NFATC2: variants seen among roughly 807,000 people sequenced by gnomAD.
NFATC2 encodes nuclear factor of activated T cells 2, also known as nuclear factor of activated T-cells, cytoplasmic 2.
In NFATC2, 22 loss-of-function variants were observed where a neutral mutation model predicts 87.3. That is an observed-to-expected ratio of 0.25 (90% CI 0.18 to 0.36). The LOEUF (loss-of-function observed/expected upper bound fraction) is 0.36. Ranked by LOEUF, NFATC2 falls within the 10% of genes least tolerant of loss-of-function variation. The pLI is 1.00. For missense variants in NFATC2, 1,149 were observed against 1,259.1 expected (o/e 0.91, Z 1.32); for synonymous variants, 565 against 542.2 (o/e 1.04, Z -0.58).
At chr20:51,506,896 C>T (rs1039933271) in intron 3 of NFATC2, among the ~76,000 whole-genome samples, 5 of 152,182 alleles carry the variant, frequency 3.3e-5, no homozygotes, top group East Asian at 1.9e-4. Flanking sequence ...CCCTCAGTGG[C>T]GAGGGCGGAG....
chr20:51,466,115 G>C (rs228850), intron 5 of NFATC2, among the ~76,000 whole-genome samples: 131,724 of 151,994 alleles, frequency 0.87, 57,323 homozygotes, highest in East Asian at 0.96. Context: ...TGCAGTGGTG[G>C]GATCTCGGCT....
intron 3 of NFATC2, among the ~76,000 whole-genome samples, chr20:51,508,359 A>G (rs2076218580): frequency 1.3e-5 from 2 of 152,138 alleles, no homozygotes; most frequent in Non-Finnish European, 2.9e-5. Context: ...ATCGTTTCAC[A>G]AGTCCATCCT....
intron 6 of NFATC2, among the ~76,000 whole-genome samples, chr20:51,442,160 G>A (rs1472658142): frequency 1.3e-5 from 2 of 152,112 alleles, no homozygotes; most frequent in Non-Finnish European, 2.9e-5. Context: ...TGCTGGGCAC[G>A]GTGGCTCACG....
chr20:51,478,653 TAAA>T (rs567046975), intron 3 of NFATC2, among the ~76,000 whole-genome samples: 49 of 152,268 alleles, frequency 3.2e-4, no homozygotes, highest in African/African-American at 1.2e-3. Flanking sequence ...GATGATCTTT[TAAA>T]AATGCAAATC....
chr20:51,454,621 G>C lies in NFATC2; in HGVS notation c.1776C>G (p.Gly592=). Residue 592 remains glycine (G), a synonymous_variant, in exon 6 of 11, where the codon GGC becomes GGG. Transcript: ENST00000371564. The part of the protein sequence containing the change: ...RQDTDSCLVY[G]GQQMILTGQN... ...GCCCCGTGAGGATCATTTGCTGGCCGCCATAGACCAGGCAGCTGTCTGTGT... is the reference window on the plus strand; with the variant it reads ...GCCCCGTGAGGATCATTTGCTGGCCCCCATAGACCAGGCAGCTGTCTGTGT... 6.2e-7 allele frequency: 1 copy of C among 1,614,108 alleles called. No homozygotes were observed. The highest frequency in any genetic ancestry group is 1.1e-5 in the South Asian group (1 of 91,084).
intron 9 of NFATC2, 51 bp from the exon 10 acceptor site, chr20:51,398,781 T>TTGATCTCTC (rs1195817892): frequency 1.6e-6 from 2 of 1,252,108 alleles, no homozygotes; most frequent in South Asian, 2.4e-5. Context: ...AAAATCACCT[T>TTGATCTCTC]TGATCTCTCT....
At position 51,389,729 on chromosome 20, in the gene NFATC2, G is replaced by C. The variant is rs1158446244; in HGVS notation, c.*1767C>G. On this transcript the variant is annotated 3_prime_UTR_variant, in exon 11 of 11. Transcript: ENST00000371564. ...CTGAGCATTTTGCCTTCTATCTGGA[G>C]TGCCAAACACACCTGGCCCCACTCC... 2.6e-5 allele frequency: 4 copies of C among 152,138 alleles called. No homozygotes were observed. Among genetic ancestry groups the C allele is most frequent in the Non-Finnish European group, 5.9e-5 (4 of 68,038 alleles). 9.4% of individuals were successfully genotyped at this position (152,138 alleles called of 1,614,324 possible). A position where few individuals can be genotyped will look rare whatever the true frequency, so the allele number is the denominator to read the frequency against.
intron 5 of NFATC2, among the ~76,000 whole-genome samples, chr20:51,464,361 C>CAGAT (rs993055079): frequency 1.3e-5 from 2 of 152,192 alleles, no homozygotes; most frequent in African/African-American, 4.8e-5. Flanking sequence ...CCCCATTTTA[C>CAGAT]AGATAGGGAA....
chr20:51,493,498 C>T (rs992519720), intron 3 of NFATC2, among the ~76,000 whole-genome samples: 3 of 152,108 alleles, frequency 2.0e-5, no homozygotes, highest in Admixed American at 6.5e-5. Context: ...AGGGAATGTC[C>T]CAGACTGACA....
At position 51,431,069 on chromosome 20, in the gene NFATC2, G is replaced by T. The variant is rs182776346; in HGVS notation, c.2722+998C>A. On this transcript the variant is annotated intron_variant, in intron 9 of 10. Transcript: ENST00000371564. Reference sequence around the variant, plus strand: ...AACTCGATGGATAAACGCTTGAGGGGATGGATACCCCATTCTCTATATGTG... The same window carrying T: ...AACTCGATGGATAAACGCTTGAGGGTATGGATACCCCATTCTCTATATGTG... Among the ~76,000 whole-genome samples, 377 of 152,260 alleles carry T rather than the reference G, an allele frequency of 2.5e-3. 2 individuals carry two copies. Among genetic ancestry groups the T allele is most frequent in the Non-Finnish European group, 3.0e-3 (204 of 68,022 alleles).
chr20:51,430,076 C>T (rs1014914441), intron 9 of NFATC2, among the ~76,000 whole-genome samples: 12 of 152,112 alleles, frequency 7.9e-5, no homozygotes, highest in South Asian at 2.1e-4. Flanking sequence ...ATGACCACCT[C>T]GGGCCACTTG....
rs769028558 is a variant in NFATC2, at chr20:51,523,974, C to T, written c.267G>A (p.Pro89=). Reference sequence around the variant, plus strand: ...GAAACTTCTGCGGCCCTACCCTATCCGGCTCTCCGAATCGGCCGGGGGGCT... The same window carrying T: ...GAAACTTCTGCGGCCCTACCCTATCTGGCTCTCCGAATCGGCCGGGGGGCT... ...SGEPPGRFGE[P]DRVGPQKFLS... The change falls in exon 2 of 11, where the codon CCG becomes CCA. Residue 89 remains proline (P), a synonymous_variant. Transcript: ENST00000371564. The surrounding 1 kb of genome is among the most constrained non-coding windows in gnomAD (Gnocchi z 6.9). The T allele has an allele frequency of 5.1e-6, 8 of 1,579,784 alleles. No homozygotes were observed. The highest frequency in any genetic ancestry group is 6.0e-6 in the Non-Finnish European group (7 of 1,169,226).
Position 51,474,061 on chromosome 20 carries a change from T to C in NFATC2, c.1627A>G (p.Arg543Gly). Residue 543 changes from arginine (R) to glycine (G), a missense_variant, in exon 5 of 11, where the codon AGA (arginine) becomes GGA (glycine). Physicochemically the swap from Arg to Gly is moderately radical, Grantham distance 125. This residue lies in a region of NFATC2 where 581 missense variants were observed against 649.7 expected (regional missense o/e 0.89). Transcript: ENST00000371564. ...TDIGRKNTRV[R>G]LVFRVHIPES... Reference sequence around the variant, plus strand: ...GGGATGTGAACTCGGAAAACCAGTCTCACCCGCGTGTTCTTTCTTCCAATG... The same window carrying C: ...GGGATGTGAACTCGGAAAACCAGTCCCACCCGCGTGTTCTTTCTTCCAATG... 1 of 1,614,216 alleles carries C rather than the reference T, an allele frequency of 6.2e-7. No individual in the cohort carries two copies. The highest frequency in any genetic ancestry group is 8.5e-7 in the Non-Finnish European group (1 of 1,180,044).
chr20:51,484,417 T>C (rs1027796781), intron 3 of NFATC2, among the ~76,000 whole-genome samples: 3 of 152,052 alleles, frequency 2.0e-5, no homozygotes, highest in African/African-American at 2.4e-5. Flanking sequence ...CCACATGTGA[T>C]AGTTATTTGC....
chr20:51,470,804 T>A (rs1421414284), intron 5 of NFATC2, among the ~76,000 whole-genome samples: 1 of 152,222 alleles, frequency 6.6e-6, no homozygotes, highest in Non-Finnish European at 1.5e-5. Context: ...TTTATGGACC[T>A]ACTAGGCACT....
chr20:51,463,467 G>T (rs963934275), intron 5 of NFATC2, among the ~76,000 whole-genome samples: 4 of 152,182 alleles, frequency 2.6e-5, no homozygotes, highest in Non-Finnish European at 4.4e-5. Context: ...CACTCCACAG[G>T]ACATCAGGGA....
At chr20:51,466,076 G>A (rs1280665859) in intron 5 of NFATC2, among the ~76,000 whole-genome samples, 1 of 152,072 alleles carries the variant, frequency 6.6e-6, no homozygotes, top group African/African-American at 2.4e-5. Context: ...GTTTTGAGAT[G>A]GAGTCTCACT....
At chr20:51,468,322 A>AAT (rs1555882769) in intron 5 of NFATC2, among the ~76,000 whole-genome samples, 5 of 151,468 alleles carry the variant, frequency 3.3e-5, no homozygotes, top group African/African-American at 7.3e-5. Context: ...CCTCCATAAA[A>AAT]ATATATATAT....
At chr20:51,534,780 C>G (rs1447215611) in intron 1 of NFATC2, among the ~76,000 whole-genome samples, 1 of 152,182 alleles carries the variant, frequency 6.6e-6, no homozygotes, top group Non-Finnish European at 1.5e-5. Context: ...AAGCCAGACA[C>G]CCTCGCCCAG....
Sources: allele counts gnomAD v4.1 joint callset (sites outside exome capture counted in the v4.1 genomes callset), GRCh38; gene constraint gnomAD v4.1.1; regional missense constraint gnomAD v4.1.1; non-coding constraint Gnocchi (gnomAD v3.1); transcripts MANE v1.5; gene names NCBI Gene and HGNC (gene_info 2026-07-23, HGNC 2026-07-21).